The following EPG5 variants were observed in gnomAD, a reference collection of about 807,000 sequenced individuals.
The protein encoded by EPG5 is ectopic P-granules 5 autophagy tethering factor.
A neutral mutation model predicts 302.7 loss-of-function variants in EPG5; 159 were observed. The ratio of observed to expected loss-of-function variants is 0.53; its 90% CI spans 0.46 to 0.60. The LOEUF is 0.60. Among genes scored for constraint, EPG5 ranks in the 20% least tolerant of loss-of-function variants. EPG5 has a pLI of 0.00. For synonymous variants in EPG5, 1,158 were observed against 1,136.8 expected (o/e 1.02, Z -0.37); for missense variants, 2,896 against 3,092.4 (o/e 0.94, Z 1.51).
intron 4 of EPG5, among the ~76,000 whole-genome samples, chr18:45,950,389 T>C (rs1350404565): frequency 6.6e-6 from 1 of 152,198 alleles, no homozygotes; most frequent in Non-Finnish European, 1.5e-5. Context: ...GTCTTTCCCA[T>C]GCTATTCTCA....
intron 43 of EPG5, among the ~76,000 whole-genome samples, chr18:45,853,069 G>A (rs1269380683): frequency 3.9e-5 from 6 of 152,194 alleles, no homozygotes; most frequent in East Asian, 1.9e-4. Flanking sequence ...GTTCTAGGGC[G>A]CAACCGGAAA....
intron 27 of EPG5, among the ~76,000 whole-genome samples, chr18:45,896,694 G>A (rs1329753055): frequency 2.6e-5 from 4 of 152,026 alleles, no homozygotes; most frequent in East Asian, 3.9e-4. Context: ...ACAGGCGTGC[G>A]CCACCATGCC....
chr18:45,935,863 G>A (rs1432205578), intron 10 of EPG5, among the ~76,000 whole-genome samples: 2 of 152,142 alleles, frequency 1.3e-5, no homozygotes, highest in Non-Finnish European at 2.9e-5. Context: ...AGTTACCACT[G>A]CATTCCAGCA....
At position 45,952,523 on chromosome 18, in the gene EPG5, G is replaced by A; in HGVS notation, c.1129C>T (p.Gln377Ter). 1 of 1,614,178 alleles carries A rather than the reference G, an allele frequency of 6.2e-7. No individual in the cohort carries two copies. The highest frequency in any genetic ancestry group is 1.3e-5 in the African/African-American group (1 of 75,042). The stretch of plus-strand genomic sequence containing the variant: ...GTATAAGAATGAAGGGCCAGGGTCT[G>A]GTGGAGGTGCTCAGATTTGGCATCG... ...LFDAKSEHLH[Q>*]TLALHSYTSV... Residue 377 changes from glutamine to a stop codon, truncating the protein, a stop_gained, in exon 3 of 44, where the codon CAG (glutamine) becomes TAG (stop). Coordinates refer to ENST00000282041, the MANE Select transcript of EPG5 (RefSeq NM_020964.3). LOFTEE classifies it high-confidence loss of function.
intron 30 of EPG5, 65 bp downstream of exon 30, chr18:45,884,552 T>A (rs2049176775): frequency 7.0e-7 from 1 of 1,435,692 alleles, no homozygotes; most frequent in Non-Finnish European, 9.5e-7. Flanking sequence ...TTTATTTCTG[T>A]AGAGGAGGAA....
chr18:45,852,922 C>G (rs551822140), intron 43 of EPG5, among the ~76,000 whole-genome samples: 17 of 152,342 alleles, frequency 1.1e-4, no homozygotes, highest in Non-Finnish European at 2.1e-4. Flanking sequence ...CCTTGCCTTA[C>G]CAAGAGCCAC....
At chr18:45,829,777 T>A in the EPG5 span, among the ~76,000 whole-genome samples, 1 of 152,122 alleles carries the variant, frequency 6.6e-6, no homozygotes, top group Non-Finnish European at 1.5e-5. Flanking sequence ...CCTGAGGGAC[T>A]CCAGCTCTGA....
chr18:45,870,100 T>C (rs575046325), intron 36 of EPG5, among the ~76,000 whole-genome samples: 1 of 152,282 alleles, frequency 6.6e-6, no homozygotes, highest in East Asian at 1.9e-4. Flanking sequence ...TGATGCATCA[T>C]CGGTTGTCAC....
chr18:45,802,531 A>AC, the EPG5 span, among the ~76,000 whole-genome samples: 2 of 152,028 alleles, frequency 1.3e-5, no homozygotes, highest in Middle Eastern at 6.8e-3. Context: ...AAAACAAAAA[A>AC]CAAAAAAAAA....
In EPG5 at chr18:45,954,624, G is replaced by A. The variant is rs760809862; in HGVS notation, c.778C>T (p.Leu260=). The A allele has an allele frequency of 1.2e-6, 2 of 1,614,238 alleles. No individual in the cohort carries two copies. Among genetic ancestry groups the A allele is most frequent in the South Asian group, 2.2e-5 (2 of 91,086 alleles). Residue 260 remains leucine, a synonymous_variant, in exon 2 of 44, where the codon CTA becomes TTA. Coordinates refer to ENST00000282041, the MANE Select transcript of EPG5 (RefSeq NM_020964.3). ...LELVPFTKEQ[L]KILEPGSWLE... ...CATGAACCAGGCTCCAAGATTTTTA[G>A]CTGTTCTTTAGTAAATGGTACTAGT...
At position 45,852,416 on chromosome 18, in the gene EPG5, G is replaced by T; in HGVS notation, c.*51C>A. 1 of 1,549,760 alleles carries T rather than the reference G, an allele frequency of 6.5e-7. No individual in the cohort carries two copies. The highest frequency in any genetic ancestry group is 8.8e-7 in the Non-Finnish European group (1 of 1,141,922). Reference sequence around the variant, plus strand: ...GCAAAGTTACTTGTGCAACAGCAAAGTTAAATGTAAACATAAACAGCAATG... The same window carrying T: ...GCAAAGTTACTTGTGCAACAGCAAATTTAAATGTAAACATAAACAGCAATG... On this transcript the variant is annotated 3_prime_UTR_variant, in exon 44 of 44. Transcript: ENST00000282041.
chr18:45,879,612 G>A (rs185619058), intron 32 of EPG5, among the ~76,000 whole-genome samples: 11 of 152,254 alleles, frequency 7.2e-5, no homozygotes, highest in South Asian at 4.1e-4. Context: ...CAAGTGATCC[G>A]CCCACCTTGG....
rs540158741 is a variant in EPG5, at chr18:45,911,572, G to A, written c.3983+718C>T. Among the ~76,000 whole-genome samples the A allele has an allele frequency of 9.9e-5, 15 of 152,094 alleles. No homozygotes were observed. In the South Asian group the frequency reaches 2.7e-3, roughly 27 times the overall value. ...CTCCCAAAGTGCTGGGATTACAGGC[G>A]TGAGCCACCGCGCCTGGCCGTGCTG... On this transcript the variant is annotated intron_variant, in intron 22 of 43. Transcript: ENST00000282041.
chr18:45,954,610 C>T lies in EPG5; in HGVS notation c.792G>A (p.Glu264=). The change falls in exon 2 of 44, where the codon GAG becomes GAA. Residue 264 remains glutamate (E), a synonymous_variant. Coordinates refer to ENST00000282041, the MANE Select transcript of EPG5 (RefSeq NM_020964.3). ...CAACATTTTCCAGCCATGAACCAGG[C>T]TCCAAGATTTTTAGCTGTTCTTTAG... ...PFTKEQLKIL[E]PGSWLENVES... 1.2e-6 allele frequency: 2 copies of T among 1,614,232 alleles called. No individual in the cohort carries two copies. Among genetic ancestry groups the T allele is most frequent in the South Asian group, 1.1e-5 (1 of 91,082 alleles).
intron 12 of EPG5, 105 bp downstream of exon 12, chr18:45,930,571 A>G (rs920025328): frequency 7.1e-6 from 6 of 849,518 alleles, no homozygotes; most frequent in Non-Finnish European, 1.1e-5. Context: ...TGTAGACAGT[A>G]GCTAAATAAG....
At position 45,916,112 on chromosome 18, in the gene EPG5, T is replaced by C; in HGVS notation, c.3479A>G (p.Tyr1160Cys). The C allele has an allele frequency of 4.3e-6, 7 of 1,614,160 alleles. No homozygotes were observed. The highest frequency in any genetic ancestry group is 5.9e-6 in the Non-Finnish European group (7 of 1,180,008). ...VQALISQHLW[Y>C]REQPILFLMD... ...GAGGAAGAGGATAGGTTGTTCTCGG[T>C]ACCAGAGATGCTGGCTTATGAGAGC... The change falls in exon 19 of 44, where the codon TAC becomes TGC. Residue 1160 changes from tyrosine (Y) to cysteine (C), a missense_variant. Physicochemically the swap from Tyr to Cys is radical, Grantham distance 194 (BLOSUM62 -2). Transcript: ENST00000282041.
the EPG5 span, chr18:45,837,379 G>A: frequency 7.0e-5 from 91 of 1,303,822 alleles, no homozygotes; most frequent in Middle Eastern, 2.8e-4. Flanking sequence ...GGAAGTGGGG[G>A]ACGATCCCTG....
chr18:45,949,505 T>C lies in EPG5; in HGVS notation c.1476A>G (p.Lys492=). 6.2e-7 allele frequency: 1 copy of C among 1,611,850 alleles called. No individual in the cohort carries two copies. The highest frequency in any genetic ancestry group is 8.5e-7 in the Non-Finnish European group (1 of 1,178,370). The stretch of plus-strand genomic sequence containing the variant: ...ATACCTGGATAAAAGGAACAGCCCA[T>C]TTACTAACACCAGCGGGGCATCGAA... The part of the protein sequence containing the change: ...HILRCPAGVS[K]WAVPFIQIKV... Residue 492 remains lysine (K), a synonymous_variant, in exon 5 of 44, where the codon AAA becomes AAG. Transcript: ENST00000282041.
At chr18:45,877,506 G>A (rs930230886) in intron 34 of EPG5, among the ~76,000 whole-genome samples, 1 of 152,136 alleles carries the variant, frequency 6.6e-6, no homozygotes, top group Non-Finnish European at 1.5e-5. Context: ...AAATAAACAA[G>A]CAGCCAGCAC....
Sources: allele counts gnomAD v4.1 joint callset (sites outside exome capture counted in the v4.1 genomes callset), GRCh38; gene constraint gnomAD v4.1.1; transcripts MANE v1.5; gene names NCBI Gene and HGNC (gene_info 2026-07-23, HGNC 2026-07-21).